LRRTM4: variants seen among roughly 807,000 people sequenced by gnomAD.
LRRTM4 encodes the protein leucine-rich repeat transmembrane neuronal protein 4.
Under a neutral mutation model 47.6 loss-of-function variants are expected in LRRTM4, and 25 were observed. The observed-to-expected ratio is 0.53, with a 90% CI of 0.38 to 0.73. LRRTM4 has a LOEUF of 0.73. LRRTM4 is among the 30% of genes least tolerant of loss of function. The probability of loss-of-function intolerance (pLI) is 0.00; values close to 1 mark genes in which losing one functional copy is unlikely to be tolerated. For synonymous variants in LRRTM4, 311 were observed against 269.5 expected (o/e 1.15, Z -1.51); for missense variants, 638 against 713.4 (o/e 0.89, Z 1.20).
intron 3 of LRRTM4, among the ~76,000 whole-genome samples, chr2:76,847,205 CTT>C (rs1470957722): frequency 6.6e-6 from 1 of 151,802 alleles, no homozygotes; most frequent in Non-Finnish European, 1.5e-5. Context: ...ATTCATCACT[CTT>C]TTGTTCCCAC....
chr2:76,833,016 A>T lies in LRRTM4; in HGVS notation c.1552-84100T>A, dbSNP rs138493364. Among the ~76,000 whole-genome samples the T allele has an allele frequency of 7.8e-4, 119 of 152,222 alleles. 2 individuals are homozygous for T. The East Asian group carries it at 0.019, about 24-fold the overall frequency. ...AAACTGGAAAGTTAGAAAGTAGAAC[A>T]TGCTACTTTGGTGGGAAGAGTGATG... On this transcript the variant is annotated intron_variant, in intron 3 of 3. Transcript: ENST00000409884.
intron 3 of LRRTM4, among the ~76,000 whole-genome samples, chr2:77,321,555 G>A (rs867894102): frequency 1.1e-5 from 1 of 87,570 alleles, no homozygotes; most frequent in East Asian, 5.1e-4. Flanking sequence ...ATCGGGGAGG[G>A]GGGGGGGTGT....
At chr2:77,444,453 G>T (rs767782357) in intron 3 of LRRTM4, among the ~76,000 whole-genome samples, 1 of 152,008 alleles carries the variant, frequency 6.6e-6, no homozygotes, top group African/African-American at 2.4e-5. Flanking sequence ...AAAGAATAAC[G>T]TGGAAGGACA....
chr2:76,795,041 T>A (rs1454296479), intron 3 of LRRTM4, among the ~76,000 whole-genome samples: 1 of 152,096 alleles, frequency 6.6e-6, no homozygotes, highest in Non-Finnish European at 1.5e-5. Context: ...AAGATACTTC[T>A]GTATGGCAGA....
At chr2:77,458,761 TC>T (rs1383998996) in intron 3 of LRRTM4, among the ~76,000 whole-genome samples, 1 of 151,340 alleles carries the variant, frequency 6.6e-6, no homozygotes, top group African/African-American at 2.4e-5. Context: ...GTCAATATTT[TC>T]CAAATTTGAT....
At chr2:77,080,644 CCTCT>C (rs752246361) in intron 3 of LRRTM4, among the ~76,000 whole-genome samples, 29 of 146,146 alleles carry the variant, frequency 2.0e-4, no homozygotes, top group Admixed American at 1.2e-3. Context: ...TCATCCTTGA[CCTCT>C]CTCTTTCTCA....
At chr2:77,045,500 C>T (rs1384554809) in intron 3 of LRRTM4, among the ~76,000 whole-genome samples, 1 of 151,858 alleles carries the variant, frequency 6.6e-6, no homozygotes, top group Non-Finnish European at 1.5e-5. Context: ...TGTCCCCACC[C>T]AAATCTCATC....
chr2:76,918,518 C>T (rs1048738086), intron 3 of LRRTM4, among the ~76,000 whole-genome samples: 6 of 152,036 alleles, frequency 3.9e-5, no homozygotes, highest in African/African-American at 1.5e-4. Context: ...ATCACATAGG[C>T]CGTATTAATG....
intron 3 of LRRTM4, among the ~76,000 whole-genome samples, chr2:77,196,509 G>T (rs1172218724): frequency 6.6e-6 from 1 of 152,130 alleles, no homozygotes; most frequent in Non-Finnish European, 1.5e-5. Context: ...TGTGGGAGGT[G>T]GAGGGCAGCA....
chr2:77,071,175 C>T (rs924339718), intron 3 of LRRTM4, among the ~76,000 whole-genome samples: 7 of 152,204 alleles, frequency 4.6e-5, no homozygotes, highest in South Asian at 2.1e-4. Context: ...TCAAAATCTT[C>T]GCAAAGGACG....
intron 3 of LRRTM4, among the ~76,000 whole-genome samples, chr2:76,795,262 GACAAAT>G (rs750115641): frequency 1.3e-5 from 2 of 152,012 alleles, no homozygotes; most frequent in Admixed American, 1.3e-4. Context: ...ATTTTTAATT[GACAAAT>G]ACAAATTTCA....
At chr2:76,758,571 A>C (rs1459820453) in intron 3 of LRRTM4, among the ~76,000 whole-genome samples, 1 of 152,172 alleles carries the variant, frequency 6.6e-6, no homozygotes, top group African/African-American at 2.4e-5. Context: ...AATGCAATTA[A>C]AATTTTTATT....
chr2:77,209,710 A>G (rs1012752899), intron 3 of LRRTM4, among the ~76,000 whole-genome samples: 1 of 152,232 alleles, frequency 6.6e-6, no homozygotes, highest in Non-Finnish European at 1.5e-5. Context: ...CCATTTTCTA[A>G]AAGGCATAAA....
chr2:76,948,201 C>A (rs1208237719), intron 3 of LRRTM4, among the ~76,000 whole-genome samples: 2 of 151,750 alleles, frequency 1.3e-5, no homozygotes, highest in Non-Finnish European at 3.0e-5. Context: ...TTTCTTTCTC[C>A]CACAGTATTT....
intron 3 of LRRTM4, among the ~76,000 whole-genome samples, chr2:77,372,721 C>T (rs1672695990): frequency 1.3e-5 from 2 of 151,714 alleles, no homozygotes; most frequent in South Asian, 2.1e-4. Flanking sequence ...GTTGTAGTTG[C>T]TATAAGCCTC....
chr2:76,916,964 G>T (rs1291681653), intron 3 of LRRTM4, among the ~76,000 whole-genome samples: 4 of 152,154 alleles, frequency 2.6e-5, no homozygotes, highest in African/African-American at 9.7e-5. Context: ...TAACTCTACA[G>T]TATGAAATTT....
At chr2:76,807,439 TATATAC>T (rs1287605850) in intron 3 of LRRTM4, among the ~76,000 whole-genome samples, 1 of 58,852 alleles carries the variant, frequency 1.7e-5, no homozygotes, top group Non-Finnish European at 2.6e-5. Context: ...TATATATACG[TATATAC>T]ATATATATAT....
At chr2:77,288,817 T>C (rs1676735898) in intron 3 of LRRTM4, among the ~76,000 whole-genome samples, 1 of 152,068 alleles carries the variant, frequency 6.6e-6, no homozygotes, top group African/African-American at 2.4e-5. Flanking sequence ...CAATTAGAGA[T>C]AACTTTTGCC....
At chr2:77,387,916 T>TAA (rs201935132) in intron 3 of LRRTM4, among the ~76,000 whole-genome samples, 1 of 149,746 alleles carries the variant, frequency 6.7e-6, no homozygotes, top group East Asian at 1.9e-4. Context: ...TCATTGATAG[T>TAA]AAAAAAAAAA....
Sources: allele counts gnomAD v4.1 joint callset (sites outside exome capture counted in the v4.1 genomes callset), GRCh38; gene constraint gnomAD v4.1.1; transcripts MANE v1.5; gene names NCBI Gene and HGNC (gene_info 2026-07-23, HGNC 2026-07-21).